Variants in ZFPM2 observed in about 807,000 individuals in gnomAD.
ZFPM2 encodes zinc finger protein ZFPM2.
ZFPM2 carries 20 observed loss-of-function variants against 98.6 expected under a neutral mutation model. The observed-to-expected ratio is 0.20, with a 90% confidence interval of 0.14 to 0.29. The LOEUF (loss-of-function observed/expected upper bound fraction) is 0.29, where lower values mean the gene tolerates loss of function less well. Among genes scored for constraint, ZFPM2 ranks in the 10% least tolerant of loss-of-function variants. ZFPM2 has a pLI of 1.00. For missense variants in ZFPM2, 1,310 were observed against 1,388.6 expected (o/e 0.94, Z 0.90); for synonymous variants, 518 against 502.7 (o/e 1.03, Z -0.41).
chr8:105,771,804 T>C (rs1812982998), intron 5 of ZFPM2, among the ~76,000 whole-genome samples: 1 of 152,144 alleles, frequency 6.6e-6, no homozygotes, highest in Non-Finnish European at 1.5e-5. Flanking sequence ...TTTTTCTGTT[T>C]GTGGAGTTAC....
chr8:105,491,066 A>G (rs1813347150), intron 3 of ZFPM2, among the ~76,000 whole-genome samples: 1 of 152,260 alleles, frequency 6.6e-6, no homozygotes, highest in East Asian at 1.9e-4. Context: ...ATCTTCTGTC[A>G]TCACCCACAG....
At chr8:105,725,675 C>T (rs1019583972) in intron 5 of ZFPM2, among the ~76,000 whole-genome samples, 1 of 151,710 alleles carries the variant, frequency 6.6e-6, no homozygotes, top group African/African-American at 2.4e-5. Context: ...ACAGAAGACA[C>T]AGCTCAGAAG....
intron 4 of ZFPM2, among the ~76,000 whole-genome samples, chr8:105,596,739 CTTTTTTTTTT>C (rs910632602): frequency 5.1e-5 from 3 of 58,932 alleles, no homozygotes; most frequent in Non-Finnish European, 1.0e-4. Context: ...CCTTTGTCTG[CTTTTTTTTTT>C]TTTTTTTTTT....
chr8:105,767,211 A>T (rs1328121029), intron 5 of ZFPM2, among the ~76,000 whole-genome samples: 1 of 151,966 alleles, frequency 6.6e-6, no homozygotes, highest in African/African-American at 2.4e-5. Context: ...GTTTGATTTT[A>T]CATACCATCC....
intron 3 of ZFPM2, among the ~76,000 whole-genome samples, chr8:105,469,779 T>C (rs1563673861): frequency 6.6e-6 from 1 of 152,230 alleles, no homozygotes; most frequent in Non-Finnish European, 1.5e-5. Flanking sequence ...ATGATGGGAT[T>C]CTGTTATTAA....
chr8:105,369,726 AC>A (rs1469023000), intron 1 of ZFPM2, among the ~76,000 whole-genome samples: 1 of 152,096 alleles, frequency 6.6e-6, no homozygotes, highest in Non-Finnish European at 1.5e-5. Context: ...ATAATTTGTA[AC>A]TTTTCTATCC....
chr8:105,469,501 T>G (rs1400707596), intron 3 of ZFPM2, among the ~76,000 whole-genome samples: 1 of 152,208 alleles, frequency 6.6e-6, no homozygotes, highest in Non-Finnish European at 1.5e-5. Flanking sequence ...TACTCATTCA[T>G]GCATGCATGC....
intron 6 of ZFPM2, among the ~76,000 whole-genome samples, chr8:105,792,395 C>T (rs959523751): frequency 1.6e-4 from 25 of 152,222 alleles, no homozygotes; most frequent in African/African-American, 3.9e-4. Flanking sequence ...TGTAGTTGAG[C>T]GGTTTTCAGT....
chr8:105,735,038 G>T (rs926481180), intron 5 of ZFPM2, among the ~76,000 whole-genome samples: 1 of 148,556 alleles, frequency 6.7e-6, no homozygotes, highest in African/African-American at 2.5e-5. Context: ...TTGCAGTTTT[G>T]CATTCCTTTT....
intron 5 of ZFPM2, among the ~76,000 whole-genome samples, chr8:105,708,533 G>T (rs1811312664): frequency 6.6e-6 from 1 of 152,046 alleles, no homozygotes; most frequent in Admixed American, 6.6e-5. Flanking sequence ...GGACTCAGGT[G>T]ATCCTCCCAC....
intron 1 of ZFPM2, among the ~76,000 whole-genome samples, chr8:105,325,732 C>T (rs1279399010): frequency 4.0e-5 from 6 of 151,404 alleles, no homozygotes; most frequent in East Asian, 1.9e-4. Flanking sequence ...ATATTAATGC[C>T]GAGAGGCTTG....
At chr8:105,433,686 C>T (rs1170347599) in intron 2 of ZFPM2, among the ~76,000 whole-genome samples, 1 of 152,086 alleles carries the variant, frequency 6.6e-6, no homozygotes, top group African/African-American at 2.4e-5. Context: ...ACTCGGGAGG[C>T]TGAGGCAGGA....
chr8:105,519,809 T>A (rs1374238584), intron 3 of ZFPM2, among the ~76,000 whole-genome samples: 1 of 152,012 alleles, frequency 6.6e-6, no homozygotes, highest in African/African-American at 2.4e-5. Flanking sequence ...TTTTTTTTTT[T>A]AATGTGTTCT....
At chr8:105,713,002 G>GTA (rs1811439799) in intron 5 of ZFPM2, among the ~76,000 whole-genome samples, 1 of 151,980 alleles carries the variant, frequency 6.6e-6, no homozygotes, top group Non-Finnish European at 1.5e-5. Context: ...ACGTATGAGT[G>GTA]CAGGTGTTTC....
At chr8:105,721,687 C>G (rs1448576532) in intron 5 of ZFPM2, among the ~76,000 whole-genome samples, 1 of 151,926 alleles carries the variant, frequency 6.6e-6, no homozygotes, top group African/African-American at 2.4e-5. Flanking sequence ...AAAATAGACA[C>G]AATATTCTCT....
intron 4 of ZFPM2, among the ~76,000 whole-genome samples, chr8:105,577,552 G>C (rs1477304616): frequency 6.6e-6 from 1 of 151,756 alleles, no homozygotes; most frequent in Non-Finnish European, 1.5e-5. Context: ...TAAATATTAA[G>C]ATTGTTTCTA....
At chr8:105,560,082 C>G (rs558589641) in intron 3 of ZFPM2, among the ~76,000 whole-genome samples, 1 of 150,728 alleles carries the variant, frequency 6.6e-6, no homozygotes, top group Admixed American at 6.6e-5. Context: ...GGCGCTTTGC[C>G]TGTAATCTCA....
chr8:105,449,354 A>C (rs777029357), intron 3 of ZFPM2, among the ~76,000 whole-genome samples: 18 of 152,028 alleles, frequency 1.2e-4, no homozygotes, highest in Non-Finnish European at 2.4e-4. Flanking sequence ...ACACAGGTAT[A>C]ACATTTTGAG....
chr8:105,630,138 T>C (rs1816730276), intron 4 of ZFPM2, among the ~76,000 whole-genome samples: 1 of 152,198 alleles, frequency 6.6e-6, no homozygotes, highest in Non-Finnish European at 1.5e-5. Context: ...GATAAAAATT[T>C]TGGCCTGACT....
Sources: allele counts gnomAD v4.1 joint callset (sites outside exome capture counted in the v4.1 genomes callset), GRCh38; gene constraint gnomAD v4.1.1; transcripts MANE v1.5; gene names NCBI Gene and HGNC (gene_info 2026-07-23, HGNC 2026-07-21).